Variants in ZNF503 observed in about 807,000 individuals in gnomAD.
ZNF503 encodes zinc finger protein 503, also known as NocA-like zinc finger 2.
ZNF503 carries 15 observed loss-of-function variants against 34.4 expected under a neutral mutation model. The ratio of observed to expected loss-of-function variants is 0.44; its 90% CI spans 0.29 to 0.67. ZNF503 has a LOEUF of 0.67. Ranked by LOEUF, ZNF503 falls within the 30% of genes least tolerant of loss-of-function variation. The probability of loss-of-function intolerance (pLI) is 0.13; values close to 1 mark genes in which losing one functional copy is unlikely to be tolerated. For synonymous variants in ZNF503, 580 were observed against 456.8 expected, an observed-to-expected ratio of 1.27 and a Z score of -3.44; for missense variants, 1,007 against 926.8, an observed-to-expected ratio of 1.09 and a Z score of -1.12.
chr10:75,366,901 C>T, the ZNF503 span, among the ~76,000 whole-genome samples: 1 of 151,772 alleles, frequency 6.6e-6, no homozygotes, highest in Non-Finnish European at 1.5e-5. Context: ...TCCAGGTACC[C>T]GCACTACTAG....
At chr10:75,337,044 C>T in the ZNF503 span, among the ~76,000 whole-genome samples, 1 of 152,206 alleles carries the variant, frequency 6.6e-6, no homozygotes, top group South Asian at 2.1e-4. Context: ...AAAATTCTGG[C>T]AGGGTGTGGT....
chr10:75,365,243 A>T, the ZNF503 span, among the ~76,000 whole-genome samples: 1 of 152,112 alleles, frequency 6.6e-6, no homozygotes, highest in African/African-American at 2.4e-5. Flanking sequence ...CTGCCTCCCG[A>T]GTTCAAGCAA....
the ZNF503 span, among the ~76,000 whole-genome samples, chr10:75,315,914 A>C: frequency 6.6e-6 from 1 of 152,238 alleles, no homozygotes; most frequent in Non-Finnish European, 1.5e-5. Context: ...TGTAAATAGA[A>C]ACCAAAAGAG....
the ZNF503 span, among the ~76,000 whole-genome samples, chr10:75,329,237 A>G: frequency 6.6e-6 from 1 of 151,932 alleles, no homozygotes; most frequent in African/African-American, 2.4e-5. Context: ...TGGAAACACT[A>G]CTGATTTTTG....
the ZNF503 span, among the ~76,000 whole-genome samples, chr10:75,366,621 G>A: frequency 6.6e-6 from 1 of 152,208 alleles, no homozygotes; most frequent in Non-Finnish European, 1.5e-5. Flanking sequence ...ACTGTACAAG[G>A]TCCTGGAGGC....
the ZNF503 span, among the ~76,000 whole-genome samples, chr10:75,317,193 T>C: frequency 2.0e-5 from 3 of 151,398 alleles, no homozygotes; most frequent in African/African-American, 4.8e-5. Context: ...CCATCTGCCT[T>C]GGCCTCCCAA....
the ZNF503 span, among the ~76,000 whole-genome samples, chr10:75,290,239 C>T: frequency 2.0e-5 from 3 of 152,170 alleles, no homozygotes; most frequent in African/African-American, 7.2e-5. Context: ...ATTCATCTAT[C>T]GATGGACAAG....
At chr10:75,293,499 T>TGGACA in the ZNF503 span, among the ~76,000 whole-genome samples, 4 of 152,242 alleles carry the variant, frequency 2.6e-5, no homozygotes, top group African/African-American at 9.6e-5. Flanking sequence ...AATATGCAAA[T>TGGACA]GGATTTGAAG....
chr10:75,347,082 A>G, the ZNF503 span, among the ~76,000 whole-genome samples: 876 of 152,284 alleles, frequency 5.8e-3, 12 homozygotes, highest in African/African-American at 0.02. Context: ...TCTGCCTCGG[A>G]GAGTTGTTGT....
At chr10:75,296,057 C>G in the ZNF503 span, among the ~76,000 whole-genome samples, 6 of 152,188 alleles carry the variant, frequency 3.9e-5, no homozygotes, top group Admixed American at 3.9e-4. Flanking sequence ...AGACTACACT[C>G]GACTGTATGT....
the ZNF503 span, among the ~76,000 whole-genome samples, chr10:75,287,836 G>C: frequency 1.3e-5 from 2 of 152,214 alleles, no homozygotes; most frequent in Admixed American, 6.5e-5. Flanking sequence ...CCTGAGTCTA[G>C]TTGCAAATTC....
At chr10:75,305,141 T>C in the ZNF503 span, among the ~76,000 whole-genome samples, 7 of 152,258 alleles carry the variant, frequency 4.6e-5, no homozygotes, top group East Asian at 1.2e-3. Context: ...TCATTCTGAG[T>C]AGGCATCTTC....
Position 75,399,882 on chromosome 10 carries a change from C to T in ZNF503, c.808G>A (p.Ala270Thr), listed in dbSNP as rs561886749. The change falls in exon 2 of 2, where the codon GCC becomes ACC. Residue 270 changes from alanine to threonine, a missense_variant. By Grantham distance (58) the Ala-to-Thr change is moderately conservative. Coordinates refer to ENST00000372524, the MANE Select transcript of ZNF503 (RefSeq NM_032772.6). ...VGGGGKGTGG[A>T]SAEGGPTGLA... ...CCCGTGGGTCCCCCTTCGGCCGAGG[C>T]GCCCCCGGTGCCCTTGCCACCGCCG... 2.6e-5 allele frequency: 41 copies of T among 1,599,976 alleles called. No homozygotes were observed. Among genetic ancestry groups the T allele is most frequent in the East Asian group, 2.5e-4 (11 of 44,292 alleles).
chr10:75,299,604 C>A, the ZNF503 span, among the ~76,000 whole-genome samples: 7 of 152,108 alleles, frequency 4.6e-5, no homozygotes, highest in African/African-American at 1.7e-4. Flanking sequence ...AGATATCGGG[C>A]AAAATTCACC....
chr10:75,397,775 C>T (rs370152128), downstream of ZNF503: 6 of 152,628 alleles, frequency 3.9e-5, no homozygotes, highest in African/African-American at 1.4e-4. Flanking sequence ...GCCCCGGAAC[C>T]CACTGCGGCC....
At chr10:75,325,274 G>C in the ZNF503 span, among the ~76,000 whole-genome samples, 1 of 151,126 alleles carries the variant, frequency 6.6e-6, no homozygotes. Context: ...TCTAGACTCT[G>C]TTCTGTTTCA....
chr10:75,323,642 G>A, the ZNF503 span, among the ~76,000 whole-genome samples: 1 of 152,052 alleles, frequency 6.6e-6, no homozygotes, highest in Non-Finnish European at 1.5e-5. Context: ...ATCTTTTCAT[G>A]TGCTTATTAG....
At chr10:75,333,214 G>A in the ZNF503 span, among the ~76,000 whole-genome samples, 17 of 114,916 alleles carry the variant, frequency 1.5e-4, no homozygotes, top group East Asian at 2.6e-4. Context: ...CGGACGGGGC[G>A]GCTGGCCGGG....
chr10:75,348,480 G>T, the ZNF503 span, among the ~76,000 whole-genome samples: 1 of 150,616 alleles, frequency 6.6e-6, no homozygotes, highest in Non-Finnish European at 1.5e-5. Context: ...TTACAGGCGT[G>T]AGCCACCACG....
Sources: gnomAD v4.1 joint callset for allele counts (sites outside exome capture counted in the v4.1 genomes callset) on GRCh38, gnomAD v4.1.1 for gene constraint, MANE v1.5 for transcripts, NCBI Gene and HGNC (gene_info 2026-07-23, HGNC 2026-07-21) for gene names.